CSF2RB: variants seen among roughly 807,000 people sequenced by gnomAD.
The protein encoded by CSF2RB is colony stimulating factor 2 receptor subunit beta, also known as cytokine receptor common subunit beta.
Under a neutral mutation model 67.2 loss-of-function variants are expected in CSF2RB, and 22 were observed. That is an observed-to-expected ratio of 0.33 (90% CI 0.23 to 0.47). CSF2RB has a LOEUF of 0.47. Among genes scored for constraint, CSF2RB ranks in the 20% least tolerant of loss-of-function variants. The pLI is 1.00. For synonymous variants in CSF2RB, 507 were observed against 482.9 expected (o/e 1.05, Z -0.65); for missense variants, 1,113 against 1,174.5 (o/e 0.95, Z 0.76).
chr22:36,914,294 C>T (rs1940665176), intron 1 of CSF2RB, among the ~76,000 whole-genome samples: 1 of 152,078 alleles, frequency 6.6e-6, no homozygotes, highest in South Asian at 2.1e-4. Context: ...TGCGCTGAGG[C>T]CCAGAGCTGG....
rs1245601083 is a variant in CSF2RB at position 36,932,749 on chromosome 22, G to A, written c.1013-16G>A. ...GGTGGGTATGATGACTCTCCTGAAAGCTTCCCTCCCTCCAGTCCAGATGGC... is the reference window on the plus strand; with the variant it reads ...GGTGGGTATGATGACTCTCCTGAAAACTTCCCTCCCTCCAGTCCAGATGGC... On this transcript the variant is annotated splice_polypyrimidine_tract_variant and intron_variant, in intron 8 of 13. Transcript: ENST00000403662. The A allele has an allele frequency of 6.2e-7, 1 of 1,612,316 alleles. No individual in the cohort carries two copies. Among genetic ancestry groups the A allele is most frequent in the Non-Finnish European group, 8.5e-7 (1 of 1,179,484 alleles).
At chr22:36,924,631 T>C (rs1439090382) in intron 3 of CSF2RB, among the ~76,000 whole-genome samples, 1 of 152,296 alleles carries the variant, frequency 6.6e-6, no homozygotes, top group East Asian at 1.9e-4. Flanking sequence ...CCTAGGATGC[T>C]GCCCCCACCA....
At chr22:36,932,477 C>A (rs1384618062) in intron 8 of CSF2RB, among the ~76,000 whole-genome samples, 1 of 149,810 alleles carries the variant, frequency 6.7e-6, no homozygotes, top group African/African-American at 2.5e-5. Context: ...TAGAATAGAA[C>A]CAACTAACAG....
intron 4 of CSF2RB, 23 bp downstream of exon 4, chr22:36,926,200 CG>C: frequency 6.2e-7 from 1 of 1,612,348 alleles, no homozygotes; most frequent in Non-Finnish European, 8.5e-7. Flanking sequence ...GGGCCCTGCC[CG>C]GGGCTTGGTT....
At chr22:36,922,563 G>A (rs1601580653) in intron 2 of CSF2RB, 1 of 564,578 alleles carries the variant, frequency 1.8e-6, no homozygotes, top group East Asian at 2.9e-5. Context: ...GGCTGCTCTG[G>A]CCGTTTCCCT....
chr22:36,922,461 G>A (rs1940900632), intron 2 of CSF2RB, among the ~76,000 whole-genome samples, 178 bp downstream of exon 2: 1 of 151,954 alleles, frequency 6.6e-6, no homozygotes, highest in South Asian at 2.1e-4. Context: ...GCACATTCCT[G>A]CTCATCCTGT....
chr22:36,921,882 G>A (rs1940879957), intron 1 of CSF2RB, among the ~76,000 whole-genome samples, 154 bp from the exon 2 acceptor site: 1 of 152,190 alleles, frequency 6.6e-6, no homozygotes, highest in South Asian at 2.1e-4. Flanking sequence ...CAGTCCCTCA[G>A]GCCACACAGC....
rs371045078 is a variant in CSF2RB at position 36,935,416 on chromosome 22, C to A, written c.1381C>A (p.Arg461Ser). 2 of 1,614,188 alleles carry A rather than the reference C, an allele frequency of 1.2e-6. No individual in the cohort carries two copies. Among genetic ancestry groups the A allele is most frequent in the Admixed American group, 1.7e-5 (1 of 60,028 alleles). Residue 461 changes from arginine to serine, a missense_variant, in exon 11 of 14, where the codon CGC becomes AGC. Arg to Ser is a moderately radical substitution (Grantham distance 110). Coordinates refer to ENST00000403662, the MANE Select transcript of CSF2RB (RefSeq NM_000395.3). ...FLTIAVLLAL[R>S]FCGIYGYRLR... Reference sequence around the variant, plus strand: ...CACCATCGCTGTGCTCCTGGCCCTCCGCTTCTGTGGCATCTACGGGTACAG... The same window carrying A: ...CACCATCGCTGTGCTCCTGGCCCTCAGCTTCTGTGGCATCTACGGGTACAG...
rs1367730817 is a variant in CSF2RB, at chr22:36,937,480, GCCTCAGATCTAC to G, written c.1675_1686del (p.Ser559_Pro562del). 6.2e-7 allele frequency: 1 copy of G among 1,613,980 alleles called. No individual in the cohort carries two copies. Among genetic ancestry groups the G allele is most frequent in the Admixed American group, 1.7e-5 (1 of 60,012 alleles). ...ATCTGGGCCTGACACGACTCCAGCT[GCCTCAGATCTAC>G]CCACAGAGCAGCCCCCCAGCCCCCA... On this transcript the variant is annotated inframe_deletion, in exon 14 of 14. Transcript: ENST00000403662. The surrounding 1 kb of genome is among the most constrained non-coding windows in gnomAD (Gnocchi z 4.6).
chr22:36,935,422 T>C lies in CSF2RB; in HGVS notation c.1387T>C (p.Cys463Arg). ...TIAVLLALRF[C>R]GIYGYRLRRK... The stretch of plus-strand genomic sequence containing the variant: ...CGCTGTGCTCCTGGCCCTCCGCTTC[T>C]GTGGCATCTACGGGTACAGGTGAGG... The change falls in exon 11 of 14, where the codon TGT (cysteine) becomes CGT (arginine). Residue 463 changes from cysteine (C) to arginine (R), a missense_variant. By Grantham distance (180) the Cys-to-Arg change is radical. Around this residue, in one of 2 missense-constraint regions of CSF2RB, gnomAD observed 559 missense variants for 656.5 expected, o/e 0.85. Transcript: ENST00000403662. 1.2e-6 allele frequency: 2 copies of C among 1,614,176 alleles called. No individual in the cohort carries two copies. The highest frequency in any genetic ancestry group is 1.1e-5 in the South Asian group (1 of 91,080).
intron 10 of CSF2RB, 96 bp downstream of exon 10, chr22:36,934,090 C>A: frequency 6.6e-7 from 1 of 1,513,812 alleles, no homozygotes; most frequent in South Asian, 1.2e-5. Context: ...AGCAGGCCTG[C>A]AACAACTTGT....
At chr22:36,917,784 G>A (rs776552676) in intron 1 of CSF2RB, among the ~76,000 whole-genome samples, 11 of 152,036 alleles carry the variant, frequency 7.2e-5, no homozygotes, top group Middle Eastern at 3.2e-3. Flanking sequence ...CTAGCCAGGC[G>A]TGGTGGTGCA....
intron 1 of CSF2RB, 121 bp from the exon 2 acceptor site, chr22:36,921,915 G>A (rs904244468): frequency 8.7e-5 from 47 of 542,452 alleles, no homozygotes; most frequent in African/African-American, 7.2e-4. Context: ...CCTTCATGCC[G>A]CAGGAGACTG....
At chr22:36,930,320 G>A in intron 6 of CSF2RB, 55 bp from the exon 7 acceptor site, 1 of 1,611,830 alleles carries the variant, frequency 6.2e-7, no homozygotes, top group Admixed American at 1.7e-5. Flanking sequence ...GGCACCCACT[G>A]AGAGCTATGG....
chr22:36,923,655 A>G, intron 3 of CSF2RB: 1 of 1,383,050 alleles, frequency 7.2e-7, no homozygotes, highest in East Asian at 3.3e-5. Context: ...TCACAATTTA[A>G]CACAATTGCC....
intron 1 of CSF2RB, among the ~76,000 whole-genome samples, chr22:36,921,428 G>A (rs1031500450): frequency 1.3e-5 from 2 of 151,846 alleles, no homozygotes; most frequent in African/African-American, 2.4e-5. Flanking sequence ...GTGTGTCTGT[G>A]TGTTGTGCGT....
chr22:36,929,262 G>A (rs2145803956), intron 4 of CSF2RB, 140 bp from the exon 5 acceptor site: 1 of 1,059,340 alleles, frequency 9.4e-7, no homozygotes, highest in Non-Finnish European at 1.4e-6. Flanking sequence ...TCACAGAGGA[G>A]ACGGGTCTTG....
chr22:36,920,680 T>G (rs1940838678), intron 1 of CSF2RB, among the ~76,000 whole-genome samples: 2 of 152,272 alleles, frequency 1.3e-5, no homozygotes, highest in Admixed American at 1.3e-4. Flanking sequence ...TTCACTTTTA[T>G]GTACTTCTGC....
In CSF2RB at chr22:36,930,674, G is replaced by C. The variant is rs201954835; in HGVS notation, c.856G>C (p.Glu286Gln). The change falls in exon 8 of 14, where the codon GAG (glutamate) becomes CAG (glutamine). Residue 286 changes from glutamate to glutamine, a missense_variant and splice_region_variant. Transcript: ENST00000403662. ...CCTCAGCTCTGCTGTGCTCCTCAGG[G>C]AGGAAGAGTGCTCCCCAGTGCTGAG... is the stretch of plus-strand genomic sequence containing the variant. ...LFYKPSPDAG[E>Q]EECSPVLREG... 6.2e-7 allele frequency: 1 copy of C among 1,612,428 alleles called. No individual in the cohort carries two copies. Among genetic ancestry groups the C allele is most frequent in the Non-Finnish European group, 8.5e-7 (1 of 1,180,020 alleles).
Sources: allele counts gnomAD v4.1 joint callset (sites outside exome capture counted in the v4.1 genomes callset), GRCh38; gene constraint gnomAD v4.1.1; regional missense constraint gnomAD v4.1.1; non-coding constraint Gnocchi (gnomAD v3.1); transcripts MANE v1.5; gene names NCBI Gene and HGNC (gene_info 2026-07-23, HGNC 2026-07-21).